The following GLI3 variants were observed in gnomAD, a reference collection of about 807,000 sequenced individuals.
GLI3 encodes the protein GLI family zinc finger 3.
Under a neutral mutation model 100.8 loss-of-function variants are expected in GLI3, and 20 were observed. The ratio of observed to expected loss-of-function variants is 0.20; its 90% CI spans 0.14 to 0.29. The LOEUF (loss-of-function observed/expected upper bound fraction) is 0.29. Ranked by LOEUF, GLI3 falls within the 10% of genes least tolerant of loss-of-function variation. The pLI, the probability that GLI3 is intolerant of heterozygous loss-of-function variation, is 1.00. For synonymous variants in GLI3, 938 were observed against 860.5 expected (o/e 1.09, Z -1.58); for missense variants, 2,040 against 2,128.5 (o/e 0.96, Z 0.82).
chr7:41,991,593 A>C (rs1048613601), intron 10 of GLI3, among the ~76,000 whole-genome samples: 1 of 152,232 alleles, frequency 6.6e-6, no homozygotes, highest in Non-Finnish European at 1.5e-5. Context: ...TTAGAGAAAG[A>C]GCATAAGCCC....
chr7:42,046,080 A>G (rs989289013), intron 5 of GLI3, among the ~76,000 whole-genome samples: 5 of 152,224 alleles, frequency 3.3e-5, no homozygotes, highest in African/African-American at 1.2e-4. Context: ...ATAATTTAAA[A>G]GCTCTCTTTT....
chr7:42,136,741 A>G (rs971431333), intron 3 of GLI3, among the ~76,000 whole-genome samples: 2 of 152,208 alleles, frequency 1.3e-5, no homozygotes, highest in Non-Finnish European at 2.9e-5. Flanking sequence ...GATGCATAAG[A>G]ACAAAGCCTG....
intron 1 of GLI3, among the ~76,000 whole-genome samples, chr7:42,245,937 T>C (rs531445228): frequency 8.2e-5 from 12 of 147,030 alleles, no homozygotes; most frequent in African/African-American, 3.0e-4. Flanking sequence ...TGAGGGGAGA[T>C]AGACCATAAG....
intron 3 of GLI3, among the ~76,000 whole-genome samples, chr7:42,098,865 C>G (rs1220392044): frequency 6.6e-6 from 1 of 152,114 alleles, no homozygotes; most frequent in Non-Finnish European, 1.5e-5. Flanking sequence ...ATATCACAAC[C>G]CAATTCCTAT....
At chr7:42,203,207 T>C (rs1418580387) in intron 2 of GLI3, among the ~76,000 whole-genome samples, 1 of 152,258 alleles carries the variant, frequency 6.6e-6, no homozygotes, top group Non-Finnish European at 1.5e-5. Flanking sequence ...AATTAGAATG[T>C]GCATTACCTC....
At chr7:42,170,433 C>T (rs1425892152) in intron 2 of GLI3, among the ~76,000 whole-genome samples, 12 of 121,294 alleles carry the variant, frequency 9.9e-5, no homozygotes, top group South Asian at 2.8e-4. Flanking sequence ...GACAGTGTCT[C>T]GCTCTGTCGC....
rs1183815640 is a variant in GLI3 at position 41,964,071 on chromosome 7, T to G, written c.*259A>C. 6 of 298,258 alleles carry G rather than the reference T, an allele frequency of 2.0e-5. No homozygotes were observed. The highest frequency in any genetic ancestry group is 3.7e-5 in the Non-Finnish European group (6 of 160,216). 18.5% of individuals were successfully genotyped at this position (298,258 alleles called of 1,614,324 possible). A position where few individuals can be genotyped will look rare whatever the true frequency, so the allele number is the denominator to read the frequency against. ...AAGGGGGCGGGGCTTACAGTTTTTT[T>G]TTTTTTTTTTAAAAAGAGGGTGGTT... On this transcript the variant is annotated 3_prime_UTR_variant, in exon 15 of 15. Transcript: ENST00000395925.
chr7:42,070,960 T>C (rs1784773209), intron 4 of GLI3, among the ~76,000 whole-genome samples: 1 of 152,208 alleles, frequency 6.6e-6, no homozygotes, highest in African/African-American at 2.4e-5. Flanking sequence ...ATCTATTCTA[T>C]CAAAAGTAGT....
At chr7:42,020,889 CAAAAAAAAAAAAAAAAA>C (rs371389453) in intron 10 of GLI3, among the ~76,000 whole-genome samples, 4 of 113,112 alleles carry the variant, frequency 3.5e-5, no homozygotes, top group African/African-American at 6.8e-5. Flanking sequence ...GACTCCGTCT[CAAAAAAAAAAAAAAAAA>C]AAAAAAAAAA....
At chr7:42,094,043 A>C (rs936227340) in intron 3 of GLI3, among the ~76,000 whole-genome samples, 3 of 152,068 alleles carry the variant, frequency 2.0e-5, no homozygotes, top group Non-Finnish European at 2.9e-5. Context: ...GGAGATGAGG[A>C]GAGGCCAGTG....
At chr7:42,141,393 C>A (rs142469888) in intron 3 of GLI3, among the ~76,000 whole-genome samples, 2 of 152,272 alleles carry the variant, frequency 1.3e-5, no homozygotes, top group African/African-American at 4.8e-5. Flanking sequence ...CTGCCTTATG[C>A]CAGTGAGGTG....
chr7:41,993,209 A>G (rs1301606077), intron 10 of GLI3, among the ~76,000 whole-genome samples: 1 of 152,156 alleles, frequency 6.6e-6, no homozygotes, highest in African/African-American at 2.4e-5. Flanking sequence ...ACACCTGACC[A>G]CCCCTGAAAC....
intron 3 of GLI3, among the ~76,000 whole-genome samples, chr7:42,081,150 A>T (rs1167499862): frequency 6.6e-6 from 1 of 152,140 alleles, no homozygotes; most frequent in Non-Finnish European, 1.5e-5. Flanking sequence ...AGTGCTGTGT[A>T]CTCTACTGTC....
chr7:42,164,892 T>G (rs76808337), intron 2 of GLI3, among the ~76,000 whole-genome samples: 4 of 150,366 alleles, frequency 2.7e-5, no homozygotes, highest in Non-Finnish European at 4.4e-5. Context: ...TTTTTTTTTT[T>G]GTAATGAAAT....
intron 2 of GLI3, among the ~76,000 whole-genome samples, chr7:42,188,786 C>T (rs1202329054): frequency 5.3e-5 from 8 of 152,188 alleles, no homozygotes; most frequent in East Asian, 1.9e-4. Flanking sequence ...CTCTGGAAAA[C>T]GCAAAACTGT....
intron 10 of GLI3, among the ~76,000 whole-genome samples, chr7:41,991,547 T>C (rs2128718251): frequency 6.6e-6 from 1 of 152,340 alleles, no homozygotes; most frequent in Middle Eastern, 3.4e-3. Flanking sequence ...ACCTAGATTG[T>C]AATTTTCTTT....
chr7:42,026,805 A>G (rs1186173237), intron 7 of GLI3, among the ~76,000 whole-genome samples: 1 of 152,220 alleles, frequency 6.6e-6, no homozygotes, highest in Non-Finnish European at 1.5e-5. Flanking sequence ...CTTAGCTCAC[A>G]CTGCACGCTT....
chr7:41,986,528 T>C (rs1787828102), intron 10 of GLI3, among the ~76,000 whole-genome samples: 3 of 150,940 alleles, frequency 2.0e-5, no homozygotes, highest in African/African-American at 7.3e-5. Flanking sequence ...GAAATACGCA[T>C]ACACATTACA....
At chr7:42,236,848 G>C (rs1454680168) in intron 1 of GLI3, 123 bp downstream of exon 1, 3 of 152,256 alleles carry the variant, frequency 2.0e-5, no homozygotes, top group African/African-American at 7.2e-5. Flanking sequence ...GGCGCCTTTT[G>C]ACAGCCATTT....
Sources: gnomAD v4.1 joint callset for allele counts (sites outside exome capture counted in the v4.1 genomes callset) on GRCh38, gnomAD v4.1.1 for gene constraint, MANE v1.5 for transcripts, NCBI Gene and HGNC (gene_info 2026-07-23, HGNC 2026-07-21) for gene names.